The following SPRY4 variants were observed in gnomAD, a reference collection of about 807,000 sequenced individuals.
SPRY4 encodes sprouty RTK signaling antagonist 4, also known as protein sprouty homolog 4.
In SPRY4, 7 loss-of-function variants were observed where a neutral mutation model predicts 17.0. The observed-to-expected ratio is 0.41, with a 90% CI of 0.23 to 0.77. The LOEUF (loss-of-function observed/expected upper bound fraction) is 0.77. Ranked by LOEUF, SPRY4 falls within the 30% of genes least tolerant of loss-of-function variation. The pLI is 0.32. For missense variants in SPRY4, 435 were observed against 419.9 expected (o/e 1.04, Z -0.31); for synonymous variants, 183 against 174.1 (o/e 1.05, Z -0.40).
chr5:142,323,609 C>T (rs896660705), intron 1 of SPRY4, among the ~76,000 whole-genome samples: 4 of 152,300 alleles, frequency 2.6e-5, no homozygotes, highest in Non-Finnish European at 2.9e-5. Context: ...GCCTCTCTTG[C>T]CCATCCTTCA....
rs73292479 is a variant in SPRY4 at position 142,321,978 on chromosome 5, T to C, written c.-48+2866A>G. ...AGCTCAAGGGTCACTTCTGTAAGTA[T>C]TAATGGGTTTTATTCCTCTCTTAAC... On this transcript the variant is annotated intron_variant, in intron 1 of 1. Coordinates refer to ENST00000434127, the MANE Select transcript of SPRY4 (RefSeq NM_001127496.3). Among the ~76,000 whole-genome samples the C allele has an allele frequency of 8.2e-3, 1,254 of 152,344 alleles. 18 individuals carry two copies. The highest frequency in any genetic ancestry group is 0.028 in the African/African-American group (1,164 of 41,576).
chr5:142,321,538 A>C (rs1352929687), intron 1 of SPRY4, among the ~76,000 whole-genome samples: 2 of 145,732 alleles, frequency 1.4e-5, no homozygotes, highest in Non-Finnish European at 3.0e-5. Context: ...AACCTTCTCC[A>C]CTCTAGCCAT....
intron 1 of SPRY4, chr5:142,317,229 CCT>C: frequency 1.0e-6 from 1 of 985,444 alleles, no homozygotes; most frequent in Non-Finnish European, 1.2e-6. Flanking sequence ...GGGAATGCTA[CCT>C]CAGCCTGCCC....
In SPRY4 at chr5:142,324,937, TCGGAG is replaced by T. The variant is rs1436754631; in HGVS notation, c.-146_-142del. On this transcript the variant is annotated 5_prime_UTR_variant, in exon 1 of 2. Transcript: ENST00000434127. ...CCGCCGCTGTACTCGCAGACGCCGG[TCGGAG>T]GAACCGGCAAGGCTCCCTGCGCTCC... 6.5e-6 allele frequency: 1 copy of T among 152,690 alleles called. No homozygotes were observed. Among genetic ancestry groups the T allele is most frequent in the African/African-American group, 2.4e-5 (1 of 41,464 alleles). 9.5% of individuals were successfully genotyped at this position (152,690 alleles called of 1,614,324 possible).
chr5:142,316,750 G>C (rs1264651000), intron 1 of SPRY4, among the ~76,000 whole-genome samples: 1 of 152,082 alleles, frequency 6.6e-6, no homozygotes, highest in Non-Finnish European at 1.5e-5. Context: ...TTTATGAAGG[G>C]GATAAAAAGG....
chr5:142,316,486 G>A (rs1759156798), intron 1 of SPRY4, among the ~76,000 whole-genome samples: 1 of 152,128 alleles, frequency 6.6e-6, no homozygotes, highest in Admixed American at 6.6e-5. Flanking sequence ...ACTCTGGGAA[G>A]ATTCCACCCC....
chr5:142,310,880 C>T lies in SPRY4; in HGVS notation c.*3329G>A, dbSNP rs1424096358. On this transcript the variant is annotated 3_prime_UTR_variant, in exon 2 of 2. Transcript: ENST00000434127. The stretch of plus-strand genomic sequence containing the variant: ...AGGCTAGTGAGGCTCGCAGGATGCC[C>T]TAGTGAATCGTACAGTGTAGAGCTG... 6.6e-6 allele frequency: 1 copy of T among 152,220 alleles called. No individual in the cohort carries two copies. Among genetic ancestry groups the T allele is most frequent in the East Asian group, 1.9e-4 (1 of 5,202 alleles). 9.4% of individuals were successfully genotyped at this position (152,220 alleles called of 1,614,324 possible).
chr5:142,323,040 TAA>T (rs397882276), intron 1 of SPRY4, among the ~76,000 whole-genome samples: 2,187 of 119,440 alleles, frequency 0.018, 60 homozygotes, highest in African/African-American at 0.067. Context: ...ACACCCGCCC[TAA>T]AAAAAAAAAA....
chr5:142,314,366 A>T lies in SPRY4; in HGVS notation c.743T>A (p.Leu248Gln). 6.2e-7 allele frequency: 1 copy of T among 1,614,044 alleles called. No individual in the cohort carries two copies. The highest frequency in any genetic ancestry group is 8.5e-7 in the Non-Finnish European group (1 of 1,179,978). Residue 248 changes from leucine to glutamine, a missense_variant, in exon 2 of 2, where the codon CTG becomes CAG. By Grantham distance (113) the Leu-to-Gln change is moderately radical. Coordinates refer to ENST00000434127, the MANE Select transcript of SPRY4 (RefSeq NM_001127496.3). This position sits in a 1 kb window ranked among gnomAD's most constrained non-coding sequence, Gnocchi z 4.8. ...MGALSVVLPC[L>Q]LCYLPATGCV... ...GCCGGTGGCAGGCAGGTAGCAGAGC[A>T]GGCAGGGCAGCACCACGGAGAGAGC...
rs1387169476 is a variant in SPRY4 at position 142,311,336 on chromosome 5, G to C, written c.*2873C>G. The C allele has an allele frequency of 1.3e-5, 2 of 152,212 alleles. No homozygotes were observed. 9.4% of individuals were successfully genotyped at this position (152,212 alleles called of 1,614,324 possible). On this transcript the variant is annotated 3_prime_UTR_variant, in exon 2 of 2. Coordinates refer to ENST00000434127, the MANE Select transcript of SPRY4 (RefSeq NM_001127496.3). ...CCCAGGTGCCCCTCGAGTTAAGACA[G>C]AACCCCCACCTACCCCAGGTTTACC...
Position 142,314,175 on chromosome 5 carries a change from T to A in SPRY4, c.*34A>T. On this transcript the variant is annotated 3_prime_UTR_variant, in exon 2 of 2. Coordinates refer to ENST00000434127, the MANE Select transcript of SPRY4 (RefSeq NM_001127496.3). The surrounding 1 kb of genome is among the most constrained non-coding windows in gnomAD (Gnocchi z 4.8). ...TTAGATGTCAGAAGAGAACCAGGTT[T>A]CCAGGCAGAGCACTGGGGCTTCGAC... is the stretch of plus-strand genomic sequence containing the variant. The A allele has an allele frequency of 6.4e-7, 1 of 1,570,726 alleles. No homozygotes were observed. Among genetic ancestry groups the A allele is most frequent in the South Asian group, 1.2e-5 (1 of 85,822 alleles).
At chr5:142,318,351 T>C (rs1759230453) in intron 1 of SPRY4, among the ~76,000 whole-genome samples, 1 of 151,878 alleles carries the variant, frequency 6.6e-6, no homozygotes, top group Admixed American at 6.6e-5. Context: ...CCAGGCATGG[T>C]GGCAGGTGCC....
rs1366542895 is a variant in SPRY4 at position 142,313,072 on chromosome 5, A to G, written c.*1137T>C. 1 of 152,596 alleles carries G rather than the reference A, an allele frequency of 6.6e-6. No individual in the cohort carries two copies. The highest frequency in any genetic ancestry group is 6.5e-5 in the Admixed American group (1 of 15,286). 9.5% of individuals were successfully genotyped at this position (152,596 alleles called of 1,614,324 possible). A position where few individuals can be genotyped will look rare whatever the true frequency, so the allele number is the denominator to read the frequency against. On this transcript the variant is annotated 3_prime_UTR_variant, in exon 2 of 2. Coordinates refer to ENST00000434127, the MANE Select transcript of SPRY4 (RefSeq NM_001127496.3). ...ATCAGAAGAGAAGAAACCCAAACCC[A>G]GCCTGGCTCAGCGGTCATTCTGCCA...
chr5:142,321,854 C>A (rs1273335497), intron 1 of SPRY4, among the ~76,000 whole-genome samples: 2 of 152,158 alleles, frequency 1.3e-5, no homozygotes, highest in African/African-American at 2.4e-5. Context: ...TGTGGGGGCA[C>A]AAATCTTGGA....
chr5:142,324,002 G>T (rs971877423), intron 1 of SPRY4: 2 of 152,460 alleles, frequency 1.3e-5, no homozygotes, highest in South Asian at 2.1e-4. Context: ...GCTCCCACAC[G>T]CCTGGTGTTA....
At chr5:142,319,575 G>A (rs1289474704) in intron 1 of SPRY4, among the ~76,000 whole-genome samples, 2 of 152,154 alleles carry the variant, frequency 1.3e-5, no homozygotes, top group Non-Finnish European at 2.9e-5. Context: ...TCATTGATGG[G>A]GTCCCTGGCC....
At chr5:142,315,578 C>T (rs1384574955) in intron 1 of SPRY4, 5 of 166,470 alleles carry the variant, frequency 3.0e-5, no homozygotes, top group African/African-American at 1.2e-4. Context: ...GTGAAACATG[C>T]TCCTTATTTA....
At chr5:142,322,481 A>AT (rs1554100318) in intron 1 of SPRY4, among the ~76,000 whole-genome samples, 6 of 115,852 alleles carry the variant, frequency 5.2e-5, no homozygotes, top group African/African-American at 1.1e-4. Context: ...AGAAAAAAAA[A>AT]AAATATATAT....
At chr5:142,321,280 C>A (rs1280940690) in intron 1 of SPRY4, among the ~76,000 whole-genome samples, 1 of 152,222 alleles carries the variant, frequency 6.6e-6, no homozygotes, top group East Asian at 1.9e-4. Flanking sequence ...ACTAGCAGCT[C>A]TGCTGGCCTC....
Sources: allele counts gnomAD v4.1 joint callset (sites outside exome capture counted in the v4.1 genomes callset), GRCh38; gene constraint gnomAD v4.1.1; non-coding constraint Gnocchi (gnomAD v3.1); transcripts MANE v1.5; gene names NCBI Gene and HGNC (gene_info 2026-07-23, HGNC 2026-07-21).